The following UCHL5 variants were observed in gnomAD, a reference collection of about 807,000 sequenced individuals.
UCHL5 encodes ubiquitin carboxyl-terminal hydrolase isozyme L5.
In UCHL5, 34 loss-of-function variants were observed where a neutral mutation model predicts 53.8. That is an observed-to-expected ratio of 0.63 (90% CI 0.48 to 0.84). The LOEUF (loss-of-function observed/expected upper bound fraction) is 0.84. UCHL5 is among the 40% of genes least tolerant of loss of function. The pLI is 0.00. For missense variants in UCHL5, 290 were observed against 385.6 expected (o/e 0.75, Z 2.08); for synonymous variants, 111 against 126.3 (o/e 0.88, Z 0.81).
At chr1:193,029,131 G>A (rs1362228795) in intron 6 of UCHL5, 48 bp downstream of exon 6, 2 of 1,593,326 alleles carry the variant, frequency 1.3e-6, no homozygotes. Context: ...ATACCCAACA[G>A]ATTTTCCCCT....
At chr1:193,023,165 G>T in intron 8 of UCHL5, 129 bp from the exon 9 acceptor site, 2 of 639,576 alleles carry the variant, frequency 3.1e-6, no homozygotes, top group South Asian at 2.0e-5. Context: ...CAGCATGCCC[G>T]CCTAACAGCA....
At chr1:193,018,194 A>T (rs1387655564) in intron 10 of UCHL5, among the ~76,000 whole-genome samples, 1 of 151,518 alleles carries the variant, frequency 6.6e-6, no homozygotes, top group Non-Finnish European at 1.5e-5. Flanking sequence ...TTACCAATTG[A>T]ATCACAAAGT....
At chr1:193,054,183 T>G (rs892009696) in intron 1 of UCHL5, among the ~76,000 whole-genome samples, 1 of 152,234 alleles carries the variant, frequency 6.6e-6, no homozygotes, top group Non-Finnish European at 1.5e-5. Flanking sequence ...ATTATACCGA[T>G]GGGTCTAGGG....
At chr1:193,035,926 T>TAATA (rs983056649) in intron 3 of UCHL5, among the ~76,000 whole-genome samples, 1 of 152,078 alleles carries the variant, frequency 6.6e-6, no homozygotes, top group African/African-American at 2.4e-5. Context: ...TACCTCTTTA[T>TAATA]AATAACATGT....
chr1:193,017,254 G>T (rs1376011286), intron 10 of UCHL5, among the ~76,000 whole-genome samples: 1 of 151,638 alleles, frequency 6.6e-6, no homozygotes, highest in Non-Finnish European at 1.5e-5. Context: ...TTTTTCCACT[G>T]TGCCACTTCA....
chr1:193,022,609 T>C (rs1214427369), intron 9 of UCHL5, among the ~76,000 whole-genome samples: 1 of 141,704 alleles, frequency 7.1e-6, no homozygotes, highest in African/African-American at 2.7e-5. Context: ...GAGGTTGCAG[T>C]GAGCCAAGAT....
Position 193,027,836 on chromosome 1 carries a change from T to C in UCHL5, c.629+249A>G, listed in dbSNP as rs748265204. On this transcript the variant is annotated intron_variant, in intron 7 of 10. Coordinates refer to ENST00000367454, the MANE Select transcript of UCHL5 (RefSeq NM_001199261.3). ...ATGCATTAACCCAATCAAAAGTAGA[T>C]GTTTGGCTGGGCACAGTGGCTCACG... 10 of 1,237,474 alleles carry C rather than the reference T, an allele frequency of 8.1e-6. No individual in the cohort carries two copies. In the African/African-American group the frequency reaches 1.2e-4, roughly 15 times the overall value. 76.7% of individuals were successfully genotyped at this position (1,237,474 alleles called of 1,614,324 possible).
At chr1:193,035,778 C>T (rs190251107) in intron 3 of UCHL5, among the ~76,000 whole-genome samples, 30 of 152,066 alleles carry the variant, frequency 2.0e-4, no homozygotes, top group Admixed American at 4.6e-4. Context: ...AACAGCAATA[C>T]CAATAGCAAC....
chr1:193,057,837 T>C (rs1671153504), intron 1 of UCHL5, among the ~76,000 whole-genome samples: 1 of 152,264 alleles, frequency 6.6e-6, no homozygotes, highest in African/African-American at 2.4e-5. Context: ...TGTGTACTTT[T>C]AACATTTTGT....
chr1:193,059,627 C>A (rs953630764), upstream of UCHL5: 4 of 1,407,976 alleles, frequency 2.8e-6, no homozygotes, highest in Non-Finnish European at 3.8e-6. This position sits in a 1 kb window ranked among gnomAD's most constrained non-coding sequence, Gnocchi z 4.9. Context: ...TTCCCGGGAA[C>A]CGAACCTGGA....
chr1:193,059,920 C>T (rs779491900), upstream of UCHL5: 1 of 1,366,146 alleles, frequency 7.3e-7, no homozygotes, highest in South Asian at 1.1e-5. This position sits in a 1 kb window ranked among gnomAD's most constrained non-coding sequence, Gnocchi z 4.9. Context: ...CTTCCCCGTC[C>T]CGCTTCCGCG....
chr1:193,029,028 A>G (rs969105541), intron 6 of UCHL5, 151 bp downstream of exon 6: 6 of 818,518 alleles, frequency 7.3e-6, no homozygotes, highest in African/African-American at 1.7e-5. Context: ...ATATATTAAT[A>G]TAACACACTG....
intron 7 of UCHL5, among the ~76,000 whole-genome samples, chr1:193,024,369 T>C (rs1162845633): frequency 6.6e-6 from 1 of 151,632 alleles, no homozygotes; most frequent in Non-Finnish European, 1.5e-5. Flanking sequence ...ACATTTGAAA[T>C]AAAAAACATT....
At chr1:193,059,756 G>A, upstream of UCHL5, 1 of 1,355,982 alleles carries the variant, frequency 7.4e-7, no homozygotes, top group South Asian at 1.2e-5. The surrounding 1 kb of genome is among the most constrained non-coding windows in gnomAD (Gnocchi z 4.9). Flanking sequence ...GCGGATCCAG[G>A]GGGTCGGCTG....
chr1:193,043,646 G>GTA (rs142388152), intron 3 of UCHL5, among the ~76,000 whole-genome samples: 1,928 of 150,914 alleles, frequency 0.013, 41 homozygotes, highest in African/African-American at 0.043. Flanking sequence ...TAGGGTGGGG[G>GTA]TATTGGGTCA....
chr1:193,016,343 A>G lies in UCHL5; in HGVS notation c.*8T>C. 1 of 1,604,746 alleles carries G rather than the reference A, an allele frequency of 6.2e-7. No individual in the cohort carries two copies. Among genetic ancestry groups the G allele is most frequent in the Admixed American group, 1.7e-5 (1 of 57,396 alleles). Reference sequence around the variant, plus strand: ...GAAGCAGAAATGTGTACATATCTGAAAACATCTTCATTTGGTTTCCTGAGC... The same window carrying G: ...GAAGCAGAAATGTGTACATATCTGAGAACATCTTCATTTGGTTTCCTGAGC... On this transcript the variant is annotated 3_prime_UTR_variant, in exon 11 of 11. Transcript: ENST00000367454.
Position 193,016,402 on chromosome 1 carries a change from A to G in UCHL5, c.943-7T>C. 1 of 1,604,550 alleles carries G rather than the reference A, an allele frequency of 6.2e-7. No homozygotes were observed. Among genetic ancestry groups the G allele is most frequent in the Non-Finnish European group, 8.5e-7 (1 of 1,176,854 alleles). On this transcript the variant is annotated splice_region_variant and splice_polypyrimidine_tract_variant and intron_variant, in intron 10 of 10. Coordinates refer to ENST00000367454, the MANE Select transcript of UCHL5 (RefSeq NM_001199261.3). ...CGTTCTGTTTTTCTTTTGCCTAAAAATTAAAAATAGTATGTTACAAAATTT... is the reference window on the plus strand; with the variant it reads ...CGTTCTGTTTTTCTTTTGCCTAAAAGTTAAAAATAGTATGTTACAAAATTT...
In UCHL5 at chr1:193,028,220, G is replaced by C. The variant is rs993097706; in HGVS notation, c.566-72C>G. 83 of 1,307,302 alleles carry C rather than the reference G, an allele frequency of 6.3e-5. 1 individual carries two copies. Among genetic ancestry groups the C allele is most frequent in the Non-Finnish European group, 7.5e-5 (73 of 968,186 alleles). 81.0% of individuals were successfully genotyped at this position (1,307,302 alleles called of 1,614,324 possible). On this transcript the variant is annotated intron_variant, in intron 6 of 10. Coordinates refer to ENST00000367454, the MANE Select transcript of UCHL5 (RefSeq NM_001199261.3). ...ATCAACTTTAAAATGCAAAAGTTTG[G>C]CCCAAAATATTTTTTTACAAATATT...
intron 1 of UCHL5, among the ~76,000 whole-genome samples, chr1:193,054,361 T>C (rs1238324049): frequency 6.6e-6 from 1 of 152,172 alleles, no homozygotes; most frequent in African/African-American, 2.4e-5. Context: ...ACCCTACCGA[T>C]AAATCTATCA....
Sources: allele counts gnomAD v4.1 joint callset (sites outside exome capture counted in the v4.1 genomes callset), GRCh38; gene constraint gnomAD v4.1.1; non-coding constraint Gnocchi (gnomAD v3.1); transcripts MANE v1.5; gene names NCBI Gene and HGNC (gene_info 2026-07-23, HGNC 2026-07-21).